Variants in PPP1R13B observed in about 807,000 individuals in gnomAD.
PPP1R13B encodes apoptosis-stimulating of p53 protein 1.
Under a neutral mutation model 119.8 loss-of-function variants are expected in PPP1R13B, and 44 were observed. That is an observed-to-expected ratio of 0.37 (90% CI 0.29 to 0.47). PPP1R13B has a LOEUF of 0.47. Among genes scored for constraint, PPP1R13B ranks in the 20% least tolerant of loss-of-function variants. PPP1R13B has a pLI of 0.99. For synonymous variants in PPP1R13B, 542 were observed against 561.5 expected, an observed-to-expected ratio of 0.97 and a Z score of 0.49; for missense variants, 1,227 against 1,413.5, an observed-to-expected ratio of 0.87 and a Z score of 2.12.
intron 1 of PPP1R13B, among the ~76,000 whole-genome samples, chr14:103,819,973 A>T (rs368097826): frequency 6.6e-6 from 1 of 152,220 alleles, no homozygotes; most frequent in East Asian, 1.9e-4. Context: ...TTCAGATATG[A>T]ACACCAGTCT....
intron 12 of PPP1R13B, among the ~76,000 whole-genome samples, chr14:103,739,457 T>C (rs1159873219): frequency 6.6e-6 from 1 of 152,158 alleles, no homozygotes; most frequent in Non-Finnish European, 1.5e-5. Flanking sequence ...CCTGGCTCCC[T>C]CTCTGCTCCG....
intron 6 of PPP1R13B, 121 bp downstream of exon 6, chr14:103,753,948 AC>A: frequency 8.0e-7 from 1 of 1,248,788 alleles, no homozygotes; most frequent in Non-Finnish European, 1.1e-6. Context: ...ACAGAGCAAA[AC>A]TTGAGCACGC....
In PPP1R13B at chr14:103,822,373, G is replaced by A. The variant is rs1177479676; in HGVS notation, c.10-24855C>T. Reference sequence around the variant, plus strand: ...TGGTGTCCAACTCCTGAACTCAGGTGATCTGCCCTTCTTGGCCTCCCAAAG... The same window carrying A: ...TGGTGTCCAACTCCTGAACTCAGGTAATCTGCCCTTCTTGGCCTCCCAAAG... On this transcript the variant is annotated intron_variant, in intron 1 of 16. Coordinates refer to ENST00000202556, the MANE Select transcript of PPP1R13B (RefSeq NM_015316.3). Among the ~76,000 whole-genome samples, 5 of 152,156 alleles carry A rather than the reference G, an allele frequency of 3.3e-5. No homozygotes were observed. In the East Asian group the frequency reaches 9.6e-4, roughly 29 times the overall value.
rs763535466 is a variant in PPP1R13B at position 103,784,799 on chromosome 14, T to G, written c.273A>C (p.Glu91Asp). 36 of 1,595,518 alleles carry G rather than the reference T, an allele frequency of 2.3e-5. No homozygotes were observed. Among genetic ancestry groups the G allele is most frequent in the Non-Finnish European group, 2.7e-5 (32 of 1,166,124 alleles). Residue 91 changes from glutamate to aspartate, a missense_variant, in exon 3 of 17, where the codon GAA becomes GAC. Glu to Asp is a conservative substitution (Grantham distance 45). Coordinates refer to ENST00000202556, the MANE Select transcript of PPP1R13B (RefSeq NM_015316.3). Reference sequence around the variant, plus strand: ...AGGAAGAAAGCAGTTATCTACCTTGTTCACTGTTCTCAGTTGGGGAGTCCT... The same window carrying G: ...AGGAAGAAAGCAGTTATCTACCTTGGTCACTGTTCTCAGTTGGGGAGTCCT... ...RHEDSPTENSEQGGRQTQEQR... is the reference protein window; with the variant it reads ...RHEDSPTENSDQGGRQTQEQR...
chr14:103,781,874 G>A (rs189134749), intron 3 of PPP1R13B, among the ~76,000 whole-genome samples: 42 of 151,318 alleles, frequency 2.8e-4, no homozygotes, highest in African/African-American at 7.8e-4. Flanking sequence ...GGATGGTCTC[G>A]ATCTCCTGAC....
chr14:103,737,757 T>C lies in PPP1R13B; in HGVS notation c.2968A>G (p.Thr990Ala), dbSNP rs776699368. ...ATCTCCTCACACTTGTCTGCAGCAG[T>C]TTCAATGTCGCTTATGGTTGAGGCA... ...IFASTISDIETAADKCEEMEE... is the reference protein window; with the variant it reads ...IFASTISDIEAAADKCEEMEE... The change falls in exon 15 of 17, where the codon ACT (threonine) becomes GCT (alanine). Residue 990 changes from threonine (T) to alanine (A), a missense_variant. Coordinates refer to ENST00000202556, the MANE Select transcript of PPP1R13B (RefSeq NM_015316.3). 3 of 1,614,160 alleles carry C rather than the reference T, an allele frequency of 1.9e-6. No homozygotes were observed. The highest frequency in any genetic ancestry group is 2.2e-5 in the East Asian group (1 of 44,888).
At chr14:103,789,272 G>A (rs1346652145) in intron 2 of PPP1R13B, among the ~76,000 whole-genome samples, 2 of 152,088 alleles carry the variant, frequency 1.3e-5, no homozygotes, top group Non-Finnish European at 2.9e-5. Flanking sequence ...AGGCTGGAGT[G>A]CACTGGCATG....
At chr14:103,785,020 C>G (rs896391656) in intron 2 of PPP1R13B, 106 bp from the exon 3 acceptor site, 5 of 925,454 alleles carry the variant, frequency 5.4e-6, no homozygotes, top group African/African-American at 3.3e-5. Context: ...ACATGTATGT[C>G]TACATGTTAC....
At chr14:103,785,000 A>G (rs2085424688) in intron 2 of PPP1R13B, 86 bp from the exon 3 acceptor site, 2 of 1,222,576 alleles carry the variant, frequency 1.6e-6, no homozygotes, top group African/African-American at 3.0e-5. Context: ...AAATGAATGT[A>G]TATATGCACA....
At chr14:103,763,282 A>C (rs1314575046) in intron 4 of PPP1R13B, 2 of 413,628 alleles carry the variant, frequency 4.8e-6, no homozygotes, top group Admixed American at 4.1e-5. Flanking sequence ...GCTTCTTAGC[A>C]CAGTGCGTCC....
chr14:103,805,457 G>A (rs2085995764), intron 1 of PPP1R13B, among the ~76,000 whole-genome samples: 1 of 152,038 alleles, frequency 6.6e-6, no homozygotes, highest in African/African-American at 2.4e-5. Flanking sequence ...TATAGTCCCA[G>A]CTACTCAGGA....
At chr14:103,756,499 C>G (rs548897922) in intron 5 of PPP1R13B, among the ~76,000 whole-genome samples, 2 of 152,154 alleles carry the variant, frequency 1.3e-5, no homozygotes, top group Non-Finnish European at 1.5e-5. Context: ...TAGAAAGATT[C>G]GAGTTTCAAT....
rs185286955 is a variant in PPP1R13B at position 103,814,625 on chromosome 14, C to T, written c.10-17107G>A. On this transcript the variant is annotated intron_variant, in intron 1 of 16. Transcript: ENST00000202556. ...TAAGAGATGAGCCTAAGCAACTTGA[C>T]GAGACCACATCACTATTTAAAAAAA... 1.2e-4 allele frequency among the ~76,000 whole-genome samples: 19 copies of T among 152,156 alleles called. No individual in the cohort carries two copies. In the East Asian group the frequency reaches 3.3e-3, roughly 26 times the overall value.
At chr14:103,778,897 T>G (rs2085273439) in intron 3 of PPP1R13B, 76 bp from the exon 4 acceptor site, 2 of 1,150,728 alleles carry the variant, frequency 1.7e-6, no homozygotes, top group Admixed American at 1.9e-5. Flanking sequence ...CTTCATGTAT[T>G]CAAATATTTA....
Position 103,734,451 on chromosome 14 carries a change from A to T in PPP1R13B, c.*703T>A, listed in dbSNP as rs2084036451. 2 of 449,960 alleles carry T rather than the reference A, an allele frequency of 4.4e-6. No homozygotes were observed. Among genetic ancestry groups the T allele is most frequent in the East Asian group, 1.4e-4 (2 of 14,314 alleles). The allele number at this position is 449,960 out of a possible 1,614,324, so 27.9% of individuals were successfully genotyped here. The stretch of plus-strand genomic sequence containing the variant: ...ATGACAGGCTGTGAGATCGGAGGAG[A>T]AGAGTATATGCTGAGGCTCTCCCAG... On this transcript the variant is annotated 3_prime_UTR_variant, in exon 17 of 17. Coordinates refer to ENST00000202556, the MANE Select transcript of PPP1R13B (RefSeq NM_015316.3).
intron 4 of PPP1R13B, among the ~76,000 whole-genome samples, chr14:103,767,496 G>A (rs963428581): frequency 6.6e-6 from 1 of 152,026 alleles, no homozygotes; most frequent in Non-Finnish European, 1.5e-5. Context: ...GACCTCACAA[G>A]GCTCGTCTCC....
chr14:103,784,665 C>T (rs943317538), intron 3 of PPP1R13B, 130 bp downstream of exon 3: 73 of 731,800 alleles, frequency 1.0e-4, no homozygotes, highest in African/African-American at 7.5e-4. Flanking sequence ...ACATGGGATA[C>T]CAACTTTCCC....
At chr14:103,750,479 A>G (rs1338212076) in intron 7 of PPP1R13B, among the ~76,000 whole-genome samples, 1 of 152,258 alleles carries the variant, frequency 6.6e-6, no homozygotes, top group Non-Finnish European at 1.5e-5. Context: ...TGCCCACAGC[A>G]CTAGTACATA....
chr14:103,734,535 G>A lies in PPP1R13B; in HGVS notation c.*619C>T, dbSNP rs1002841442. On this transcript the variant is annotated 3_prime_UTR_variant, in exon 17 of 17. Transcript: ENST00000202556. ...GGCGCGGCAGTCCAGCCACAGTGCT[G>A]GGCCTGCACAATCAGCCTTTAGGTG... The A allele has an allele frequency of 8.8e-6, 4 of 456,402 alleles. No homozygotes were observed. Among genetic ancestry groups the A allele is most frequent in the Admixed American group, 7.0e-5 (3 of 42,574 alleles). The allele number at this position is 456,402 out of a possible 1,614,324, so 28.3% of individuals were successfully genotyped here.
Sources: gnomAD v4.1 joint callset for allele counts (sites outside exome capture counted in the v4.1 genomes callset) on GRCh38, gnomAD v4.1.1 for gene constraint, MANE v1.5 for transcripts, NCBI Gene and HGNC (gene_info 2026-07-23, HGNC 2026-07-21) for gene names.